The following ITFG1 variants were observed in gnomAD, a reference collection of about 807,000 sequenced individuals.
ITFG1 encodes T-cell immunomodulatory protein.
Under a neutral mutation model 81.8 loss-of-function variants are expected in ITFG1, and 34 were observed. That is an observed-to-expected ratio of 0.42 (90% CI 0.32 to 0.55). The LOEUF (loss-of-function observed/expected upper bound fraction) is 0.55. ITFG1 is among the 20% of genes least tolerant of loss of function. The pLI, the probability that ITFG1 is intolerant of heterozygous loss-of-function variation, is 0.17. For synonymous variants in ITFG1, 285 were observed against 270.6 expected, an observed-to-expected ratio of 1.05 and a Z score of -0.52; for missense variants, 672 against 755.4, an observed-to-expected ratio of 0.89 and a Z score of 1.29.
chr16:47,346,881 A>T (rs1380253483), intron 8 of ITFG1, among the ~76,000 whole-genome samples: 1 of 152,204 alleles, frequency 6.6e-6, no homozygotes. Context: ...AAAACTGGAG[A>T]GGAGGGAATT....
intron 10 of ITFG1, among the ~76,000 whole-genome samples, chr16:47,266,850 T>A (rs1249394444): frequency 6.6e-6 from 1 of 152,210 alleles, no homozygotes; most frequent in Admixed American, 6.5e-5. Flanking sequence ...TATATCTATA[T>A]AACAAAATTC....
chr16:47,395,977 A>T (rs1208548846), intron 6 of ITFG1: 1 of 157,810 alleles, frequency 6.3e-6, no homozygotes, highest in African/African-American at 2.4e-5. Flanking sequence ...GCTAAATGTC[A>T]TATCAGTCTC....
chr16:47,260,434 A>G, intron 11 of ITFG1, 111 bp downstream of exon 11: 2 of 1,148,764 alleles, frequency 1.7e-6, no homozygotes, highest in South Asian at 1.5e-5. Flanking sequence ...TAATTAACTC[A>G]TTTGCTTTTT....
chr16:47,384,766 C>G (rs886578176), intron 6 of ITFG1, among the ~76,000 whole-genome samples: 1 of 152,142 alleles, frequency 6.6e-6, no homozygotes, highest in African/African-American at 2.4e-5. Context: ...TGGCAGTCAA[C>G]TAGGTATTGG....
At chr16:47,429,705 G>T (rs1969068902) in intron 5 of ITFG1, among the ~76,000 whole-genome samples, 1 of 152,142 alleles carries the variant, frequency 6.6e-6, no homozygotes, top group Admixed American at 6.5e-5. Context: ...TGTGGTTACT[G>T]GCCATCCGTA....
At chr16:47,250,000 G>A (rs912713873) in intron 12 of ITFG1, among the ~76,000 whole-genome samples, 1 of 152,150 alleles carries the variant, frequency 6.6e-6, no homozygotes. Context: ...TTCCTGCCTG[G>A]ATTCTGAGTG....
chr16:47,397,507 A>G (rs1483943091), intron 6 of ITFG1, among the ~76,000 whole-genome samples: 8 of 152,264 alleles, frequency 5.3e-5, no homozygotes, highest in Non-Finnish European at 1.0e-4. Context: ...CTTACTAGGT[A>G]GAACAATGAT....
intron 7 of ITFG1, 120 bp from the exon 8 acceptor site, chr16:47,365,989 C>G (rs954023446): frequency 3.6e-6 from 2 of 561,068 alleles, no homozygotes; most frequent in African/African-American, 3.8e-5. Context: ...TTGTATTGCA[C>G]AAAAATTATT....
intron 8 of ITFG1, among the ~76,000 whole-genome samples, chr16:47,350,227 A>G (rs1022269357): frequency 1.3e-5 from 2 of 152,240 alleles, no homozygotes; most frequent in African/African-American, 4.8e-5. Context: ...CCAGAACTGA[A>G]GAAGATAGAG....
chr16:47,190,979 C>T (rs995813183), intron 14 of ITFG1, among the ~76,000 whole-genome samples: 3 of 152,060 alleles, frequency 2.0e-5, no homozygotes, highest in African/African-American at 7.2e-5. Flanking sequence ...CTCAGGGCCA[C>T]ACTCCAAGAG....
intron 6 of ITFG1, among the ~76,000 whole-genome samples, chr16:47,409,457 C>G (rs962617382): frequency 9.9e-5 from 11 of 111,300 alleles, no homozygotes; most frequent in African/African-American, 3.8e-4. Flanking sequence ...ACTCTGTCCC[C>G]CAGGCTGGCG....
At chr16:47,400,675 G>A (rs1410439676) in intron 6 of ITFG1, among the ~76,000 whole-genome samples, 6 of 152,124 alleles carry the variant, frequency 3.9e-5, no homozygotes, top group Admixed American at 6.6e-5. Flanking sequence ...GAGACCTGAA[G>A]GGTATGTAAA....
chr16:47,326,515 G>C (rs1208399042), intron 8 of ITFG1, among the ~76,000 whole-genome samples: 3 of 152,106 alleles, frequency 2.0e-5, no homozygotes, highest in Non-Finnish European at 4.4e-5. Flanking sequence ...ATTCAATTAG[G>C]AAAAGAGGAA....
At chr16:47,354,881 A>G (rs543595333) in intron 8 of ITFG1, among the ~76,000 whole-genome samples, 1 of 152,228 alleles carries the variant, frequency 6.6e-6, no homozygotes, top group African/African-American at 2.4e-5. Context: ...CTATTATGAA[A>G]AACGATAGCA....
At chr16:47,295,428 C>T (rs1966968215) in intron 10 of ITFG1, among the ~76,000 whole-genome samples, 1 of 152,098 alleles carries the variant, frequency 6.6e-6, no homozygotes, top group Non-Finnish European at 1.5e-5. Flanking sequence ...ATTGTCAGTC[C>T]ACACGGTCAT....
chr16:47,326,348 C>G (rs1376558170), intron 8 of ITFG1, among the ~76,000 whole-genome samples: 1 of 152,130 alleles, frequency 6.6e-6, no homozygotes, highest in African/African-American at 2.4e-5. Flanking sequence ...CTATCTATGA[C>G]AAACCCACAG....
chr16:47,303,643 A>C (rs1431415847), intron 10 of ITFG1, among the ~76,000 whole-genome samples: 1 of 152,128 alleles, frequency 6.6e-6, no homozygotes, highest in African/African-American at 2.4e-5. Flanking sequence ...ATTTCCTTAG[A>C]GACAAGGTCT....
intron 10 of ITFG1, among the ~76,000 whole-genome samples, chr16:47,298,733 T>C (rs1967024088): frequency 6.6e-6 from 1 of 152,200 alleles, no homozygotes; most frequent in South Asian, 2.1e-4. Context: ...TCCTGAGTGC[T>C]GTGCATCTTT....
intron 8 of ITFG1, among the ~76,000 whole-genome samples, chr16:47,320,596 T>A (rs1263753804): frequency 6.6e-6 from 1 of 152,238 alleles, no homozygotes; most frequent in Admixed American, 6.5e-5. Context: ...CTTTGTCTTT[T>A]ATCTGTAAAA....
Sources: allele counts gnomAD v4.1 joint callset (sites outside exome capture counted in the v4.1 genomes callset), GRCh38; gene constraint gnomAD v4.1.1; transcripts MANE v1.5; gene names NCBI Gene and HGNC (gene_info 2026-07-23, HGNC 2026-07-21).